Variants in RANBP2 observed in about 807,000 individuals in gnomAD.
RANBP2 encodes the protein E3 SUMO-protein ligase RanBP2.
In RANBP2, 57 loss-of-function variants were observed where a neutral mutation model predicts 303.6. The ratio of observed to expected loss-of-function variants is 0.19; its 90% CI spans 0.15 to 0.23. RANBP2 has a LOEUF of 0.23. RANBP2 is among the 10% of genes least tolerant of loss of function. The probability of loss-of-function intolerance (pLI) is 1.00; values close to 1 mark genes in which losing one functional copy is unlikely to be tolerated. For synonymous variants in RANBP2, 1,167 were observed against 1,301.5 expected (o/e 0.90, Z 2.23); for missense variants, 3,138 against 3,780.8 (o/e 0.83, Z 4.46).
the RANBP2 span, among the ~76,000 whole-genome samples, chr2:109,022,284 T>A: frequency 6.6e-6 from 1 of 152,148 alleles, no homozygotes; most frequent in African/African-American, 2.4e-5. Flanking sequence ...GCAACTGTGG[T>A]TCCCCCGCCC....
the RANBP2 span, among the ~76,000 whole-genome samples, chr2:109,387,758 G>C: frequency 6.6e-6 from 1 of 152,152 alleles, no homozygotes; most frequent in Non-Finnish European, 1.5e-5. Context: ...GGAGAGCAGG[G>C]GTTTTGTCTG....
the RANBP2 span, among the ~76,000 whole-genome samples, chr2:109,152,858 C>T: frequency 6.6e-6 from 1 of 152,154 alleles, no homozygotes; most frequent in Admixed American, 6.5e-5. Context: ...GTCTTTCAAA[C>T]TTTAAGAGTA....
the RANBP2 span, among the ~76,000 whole-genome samples, chr2:108,842,779 G>A: frequency 6.6e-6 from 1 of 152,166 alleles, no homozygotes; most frequent in Non-Finnish European, 1.5e-5. Context: ...CTTCTAGGGT[G>A]AAAAAGTCCA....
At chr2:109,760,637 C>T in the RANBP2 span, among the ~76,000 whole-genome samples, 4 of 141,930 alleles carry the variant, frequency 2.8e-5, no homozygotes, top group Non-Finnish European at 4.6e-5. Context: ...CCTTGAGCGG[C>T]GCCTTTCGTC....
the RANBP2 span, among the ~76,000 whole-genome samples, chr2:109,642,460 A>G: frequency 1.3e-5 from 2 of 152,168 alleles, no homozygotes; most frequent in Non-Finnish European, 2.9e-5. Flanking sequence ...TAGAAAGGTA[A>G]CTAACAAGGC....
At chr2:109,247,192 A>G in the RANBP2 span, among the ~76,000 whole-genome samples, 1 of 152,212 alleles carries the variant, frequency 6.6e-6, no homozygotes. Flanking sequence ...CTATGAGATA[A>G]GGGAGAACAG....
At chr2:108,739,159 T>C (rs975381223) in intron 6 of RANBP2, among the ~76,000 whole-genome samples, 2 of 151,748 alleles carry the variant, frequency 1.3e-5, no homozygotes, top group Non-Finnish European at 2.9e-5. Context: ...TCCCAGCACT[T>C]TGGGAGGCCG....
the RANBP2 span, among the ~76,000 whole-genome samples, chr2:109,679,007 C>T: frequency 1.3e-5 from 2 of 152,152 alleles, no homozygotes; most frequent in African/African-American, 4.8e-5. Flanking sequence ...AAAGGCACCT[C>T]GAACACTGGA....
chr2:109,564,129 A>G, the RANBP2 span: 1 of 380,094 alleles, frequency 2.6e-6, no homozygotes, highest in African/African-American at 2.1e-5. Context: ...TCTGCCATAC[A>G]TTCTTCATCA....
At chr2:109,554,256 C>T in the RANBP2 span, among the ~76,000 whole-genome samples, 5 of 152,082 alleles carry the variant, frequency 3.3e-5, no homozygotes, top group Admixed American at 2.6e-4. Flanking sequence ...CCTCCTACCA[C>T]GATGTAATTC....
intron 7 of RANBP2, among the ~76,000 whole-genome samples, chr2:108,745,018 T>G (rs1696404291): frequency 6.6e-6 from 1 of 152,026 alleles, no homozygotes; most frequent in South Asian, 2.1e-4. Flanking sequence ...GCATTCTCAT[T>G]AGTTTGGATG....
At chr2:109,622,115 G>T in the RANBP2 span, among the ~76,000 whole-genome samples, 1 of 152,104 alleles carries the variant, frequency 6.6e-6, no homozygotes, top group Non-Finnish European at 1.5e-5. Context: ...GAGGTTTCAA[G>T]TACTTTATAA....
the RANBP2 span, chr2:109,614,791 C>T: frequency 6.8e-7 from 1 of 1,474,088 alleles, no homozygotes; most frequent in Non-Finnish European, 8.9e-7. Flanking sequence ...CAGGTGACCG[C>T]CGAGCCCGAG....
the RANBP2 span, among the ~76,000 whole-genome samples, chr2:109,088,396 C>A: frequency 4.1e-5 from 3 of 72,766 alleles, no homozygotes; most frequent in Admixed American, 1.5e-4. Flanking sequence ...GATTCCATCT[C>A]AAAAAAAAAA....
At chr2:109,093,526 C>T in the RANBP2 span, among the ~76,000 whole-genome samples, 3 of 151,122 alleles carry the variant, frequency 2.0e-5, 1 homozygote, top group South Asian at 6.3e-4. Flanking sequence ...TTAGTTAAAA[C>T]TTATTAATTT....
At chr2:109,170,244 TTTCTC>T in the RANBP2 span, among the ~76,000 whole-genome samples, 3,426 of 32,210 alleles carry the variant, frequency 0.11, 76 homozygotes, top group Middle Eastern at 0.15. Flanking sequence ...CTTCTTTTCT[TTTCTC>T]TTCTCTTCTC....
chr2:109,581,771 A>G, the RANBP2 span, among the ~76,000 whole-genome samples: 3 of 152,234 alleles, frequency 2.0e-5, no homozygotes, highest in Non-Finnish European at 2.9e-5. Flanking sequence ...CTGAAACAAG[A>G]TATGCCTGAG....
At chr2:109,431,107 G>T in the RANBP2 span, among the ~76,000 whole-genome samples, 1 of 152,198 alleles carries the variant, frequency 6.6e-6, no homozygotes, top group African/African-American at 2.4e-5. Context: ...GCCCTCGTGA[G>T]CTGCATTCTG....
At chr2:109,080,144 T>G in the RANBP2 span, among the ~76,000 whole-genome samples, 1 of 152,078 alleles carries the variant, frequency 6.6e-6, no homozygotes, top group Non-Finnish European at 1.5e-5. Flanking sequence ...TATTTGAAAC[T>G]TGGCAAAACG....
Sources: allele counts gnomAD v4.1 joint callset (sites outside exome capture counted in the v4.1 genomes callset), GRCh38; gene constraint gnomAD v4.1.1; transcripts MANE v1.5; gene names NCBI Gene and HGNC (gene_info 2026-07-23, HGNC 2026-07-21).